Variants in TMEM135 observed in about 807,000 individuals in gnomAD.
The protein encoded by TMEM135 is peroxisomal membrane protein 52.
A neutral mutation model predicts 60.3 loss-of-function variants in TMEM135; 30 were observed. The observed-to-expected ratio is 0.50, with a 90% CI of 0.37 to 0.68. The LOEUF (loss-of-function observed/expected upper bound fraction) is 0.68, where lower values mean the gene tolerates loss of function less well. Among genes scored for constraint, TMEM135 ranks in the 30% least tolerant of loss-of-function variants. The probability of loss-of-function intolerance (pLI) is 0.00; values close to 1 mark genes in which losing one functional copy is unlikely to be tolerated. For synonymous variants in TMEM135, 190 were observed against 186.7 expected (o/e 1.02, Z -0.14); for missense variants, 468 against 548.8 (o/e 0.85, Z 1.47).
intron 4 of TMEM135, among the ~76,000 whole-genome samples, chr11:87,126,739 CTATAGAAATACT>C (rs1179190997): frequency 3.9e-5 from 6 of 151,950 alleles, no homozygotes; most frequent in African/African-American, 1.2e-4. Flanking sequence ...ATAGCAAATG[CTATAGAAATACT>C]AGAAGGAAGC....
intron 5 of TMEM135, among the ~76,000 whole-genome samples, chr11:87,231,614 A>C (rs1282108931): frequency 6.6e-6 from 1 of 152,206 alleles, no homozygotes; most frequent in Non-Finnish European, 1.5e-5. Flanking sequence ...CCAGTAAAAA[A>C]TTACCACCAT....
At chr11:87,310,255 C>T (rs1942619349) in intron 10 of TMEM135, among the ~76,000 whole-genome samples, 1 of 151,992 alleles carries the variant, frequency 6.6e-6, no homozygotes, top group South Asian at 2.1e-4. Flanking sequence ...ATATATAAGC[C>T]CACGCCTAAA....
intron 6 of TMEM135, among the ~76,000 whole-genome samples, chr11:87,248,576 T>A (rs1183194903): frequency 1.3e-5 from 2 of 152,294 alleles, no homozygotes. Context: ...TCTTCTTGCT[T>A]ATGATAGCTT....
chr11:87,214,528 A>G (rs990112963), intron 5 of TMEM135, among the ~76,000 whole-genome samples: 12 of 152,092 alleles, frequency 7.9e-5, no homozygotes, highest in African/African-American at 2.9e-4. Flanking sequence ...TCCTTTAAGG[A>G]AAACACCTTA....
intron 4 of TMEM135, among the ~76,000 whole-genome samples, chr11:87,125,837 A>G (rs988964810): frequency 6.6e-6 from 1 of 152,232 alleles, no homozygotes; most frequent in Non-Finnish European, 1.5e-5. Context: ...GAAAATTTAC[A>G]TACAAATGTT....
intron 5 of TMEM135, among the ~76,000 whole-genome samples, chr11:87,167,677 A>G (rs1370453098): frequency 6.6e-6 from 1 of 152,066 alleles, no homozygotes; most frequent in Non-Finnish European, 1.5e-5. Context: ...CATGGTGGAT[A>G]AGCTTTTTGA....
rs565100060 is a variant in TMEM135, at chr11:87,325,902, C to T, written c.*4569C>T. 8.8e-6 allele frequency: 4 copies of T among 453,708 alleles called. No individual in the cohort carries two copies. The East Asian group carries it at 2.8e-4, about 32-fold the overall frequency. 28.1% of individuals were successfully genotyped at this position (453,708 alleles called of 1,614,324 possible). ...CTTTCTCCATTTTTTTTCCATCTGTCCCTCCTACGAATATGTTTTACATGA... is the reference window on the plus strand; with the variant it reads ...CTTTCTCCATTTTTTTTCCATCTGTTCCTCCTACGAATATGTTTTACATGA... On this transcript the variant is annotated 3_prime_UTR_variant, in exon 15 of 15. Transcript: ENST00000305494.
Position 87,326,136 on chromosome 11 carries a change from C to G in TMEM135, c.*4803C>G, listed in dbSNP as rs1942909245. 2.2e-6 allele frequency: 1 copy of G among 453,948 alleles called. No individual in the cohort carries two copies. The highest frequency in any genetic ancestry group is 4.4e-6 in the Non-Finnish European group (1 of 226,752). 28.1% of individuals were successfully genotyped at this position (453,948 alleles called of 1,614,324 possible). The stretch of plus-strand genomic sequence containing the variant: ...TTTTGTGCCATACTCTCCCCCACCC[C>G]CAGCCTGCTGCCTCTGCAGAGCATA... On this transcript the variant is annotated 3_prime_UTR_variant, in exon 15 of 15. Transcript: ENST00000305494.
At position 87,179,319 on chromosome 11, in the gene TMEM135, G is replaced by A. The variant is rs1227203404; in HGVS notation, c.462+21913G>A. ...ATTTGGGAATATATTTTCCCAGATC[G>A]TGGCCTGTGTTTTCACTTTCTAAAT... On this transcript the variant is annotated intron_variant, in intron 5 of 14. Coordinates refer to ENST00000305494, the MANE Select transcript of TMEM135 (RefSeq NM_022918.4). Among the ~76,000 whole-genome samples, 7 of 152,038 alleles carry A rather than the reference G, an allele frequency of 4.6e-5. No individual in the cohort carries two copies. In the East Asian group the frequency reaches 9.6e-4, roughly 21 times the overall value.
intron 6 of TMEM135, among the ~76,000 whole-genome samples, chr11:87,262,263 A>G (rs542402870): frequency 6.6e-6 from 1 of 152,330 alleles, no homozygotes; most frequent in East Asian, 1.9e-4. Context: ...ATACTTAGCT[A>G]CAAATGGATT....
intron 5 of TMEM135, among the ~76,000 whole-genome samples, chr11:87,209,678 C>A (rs994442973): frequency 2.0e-5 from 3 of 152,036 alleles, no homozygotes; most frequent in Non-Finnish European, 1.5e-5. Flanking sequence ...CTCAACACGA[C>A]CAGTTGTACC....
At chr11:87,140,260 G>T (rs957451587) in intron 4 of TMEM135, among the ~76,000 whole-genome samples, 2 of 151,972 alleles carry the variant, frequency 1.3e-5, no homozygotes, top group Non-Finnish European at 2.9e-5. Context: ...GTAGAGATGG[G>T]GTTTCACCCT....
At chr11:87,164,343 A>G (rs1938977609) in intron 5 of TMEM135, among the ~76,000 whole-genome samples, 2 of 105,518 alleles carry the variant, frequency 1.9e-5, no homozygotes, top group African/African-American at 8.0e-5. Context: ...AAGATCAGAT[A>G]GTTGTAGATA....
intron 10 of TMEM135, 94 bp downstream of exon 10, chr11:87,309,766 C>T: frequency 7.5e-7 from 1 of 1,339,194 alleles, no homozygotes; most frequent in African/African-American, 1.4e-5. Context: ...TTTTTTAATG[C>T]TTCTTTCTGG....
chr11:87,132,787 A>G (rs533372465), intron 4 of TMEM135, among the ~76,000 whole-genome samples: 40 of 151,842 alleles, frequency 2.6e-4, no homozygotes, highest in African/African-American at 9.4e-4. Flanking sequence ...GAATTTGCAG[A>G]TTGTACCAAA....
chr11:87,085,206 G>T (rs1857070287), intron 3 of TMEM135, among the ~76,000 whole-genome samples: 1 of 152,210 alleles, frequency 6.6e-6, no homozygotes, highest in Admixed American at 6.5e-5. Flanking sequence ...CTGTCAAAGA[G>T]TGTGGCTCTA....
intron 4 of TMEM135, among the ~76,000 whole-genome samples, chr11:87,144,254 G>A (rs541998): frequency 0.37 from 55,895 of 151,962 alleles, 10,819 homozygotes; most frequent in East Asian, 0.67. Flanking sequence ...ATGAATGCAT[G>A]CCTATCCGAG....
chr11:87,275,430 C>G (rs1340282893), intron 6 of TMEM135, among the ~76,000 whole-genome samples: 2 of 151,842 alleles, frequency 1.3e-5, no homozygotes, highest in East Asian at 3.9e-4. Context: ...AAGGCAAGGG[C>G]TCTTGACTAA....
At chr11:87,196,496 T>C (rs755997729) in intron 5 of TMEM135, among the ~76,000 whole-genome samples, 4 of 152,148 alleles carry the variant, frequency 2.6e-5, no homozygotes, top group Non-Finnish European at 5.9e-5. Context: ...AATCTTTTGG[T>C]CCTAAAAATT....
Sources: allele counts gnomAD v4.1 joint callset (sites outside exome capture counted in the v4.1 genomes callset), GRCh38; gene constraint gnomAD v4.1.1; transcripts MANE v1.5; gene names NCBI Gene and HGNC (gene_info 2026-07-23, HGNC 2026-07-21).